GLRA1: variants seen among roughly 807,000 people sequenced by gnomAD.
GLRA1 encodes glycine receptor subunit alpha-1.
Under a neutral mutation model 48.3 loss-of-function variants are expected in GLRA1, and 37 were observed. The ratio of observed to expected loss-of-function variants is 0.77; its 90% CI spans 0.59 to 1.01. The LOEUF is 1.01. Among genes scored for constraint, GLRA1 ranks in the 50% least tolerant of loss-of-function variants. GLRA1 has a pLI of 0.00. For missense variants in GLRA1, 427 were observed against 571.0 expected (o/e 0.75, Z 2.57); for synonymous variants, 196 against 210.7 (o/e 0.93, Z 0.60).
intron 6 of GLRA1, among the ~76,000 whole-genome samples, chr5:151,852,028 T>C (rs1752926496): frequency 6.6e-6 from 1 of 152,188 alleles, no homozygotes; most frequent in Non-Finnish European, 1.5e-5. Flanking sequence ...GTTCCTGTTA[T>C]TTCCTCTTGT....
At position 151,851,453 on chromosome 5, in the gene GLRA1, T is replaced by C; in HGVS notation, c.849A>G (p.Leu283=). 6.2e-7 allele frequency: 1 copy of C among 1,614,058 alleles called. No homozygotes were observed. Among genetic ancestry groups the C allele is most frequent in the Non-Finnish European group, 8.5e-7 (1 of 1,179,980 alleles). ...TCATGGTGAGCACAGTGGTGATGCC[T>C]AGGCCCACACGAGCAGGTGCAGCAT... is the stretch of plus-strand genomic sequence containing the variant. The part of the protein sequence containing the change: ...NMDAAPARVG[L]GITTVLTMTT... The change falls in exon 7 of 9, where the codon CTA becomes CTG. Residue 283 remains leucine, a synonymous_variant. Coordinates refer to ENST00000274576, the MANE Select transcript of GLRA1 (RefSeq NM_000171.4).
At chr5:151,877,780 A>T (rs1581637893) in intron 3 of GLRA1, among the ~76,000 whole-genome samples, 2 of 152,260 alleles carry the variant, frequency 1.3e-5, no homozygotes, top group East Asian at 3.9e-4. Context: ...CATGCCTTTC[A>T]CTTTCTGCCA....
intron 3 of GLRA1, 135 bp downstream of exon 3, chr5:151,886,586 A>G (rs576575755): frequency 7.1e-5 from 51 of 722,214 alleles, no homozygotes; most frequent in Non-Finnish European, 1.1e-4. Flanking sequence ...TCCGAGCCTC[A>G]TGGTATACCA....
intron 1 of GLRA1, among the ~76,000 whole-genome samples, chr5:151,900,653 C>A (rs570533873): frequency 5.3e-4 from 81 of 152,252 alleles, no homozygotes; most frequent in Middle Eastern, 3.4e-3. Context: ...TATTTGCTTA[C>A]ATTATATTGA....
chr5:151,871,455 C>T (rs1272956476), intron 3 of GLRA1, among the ~76,000 whole-genome samples: 1 of 128,854 alleles, frequency 7.8e-6, no homozygotes, highest in Admixed American at 8.1e-5. Context: ...AAAGGAATAC[C>T]TGTATAATTG....
Position 151,859,952 on chromosome 5 carries a change from A to G in GLRA1, c.309T>C (p.Tyr103=). The change falls in exon 4 of 9, where the codon TAT becomes TAC. Residue 103 remains tyrosine (Y), a synonymous_variant. Coordinates refer to ENST00000274576, the MANE Select transcript of GLRA1 (RefSeq NM_000171.4). ...CCAGAGAGTCGTCAGGGTATTCATT[A>G]TAGGCCAGGCGGGGGTCGTTCCATT... is the stretch of plus-strand genomic sequence containing the variant. The part of the protein sequence containing the change: ...RQQWNDPRLA[Y]NEYPDDSLDL... 6.2e-7 allele frequency: 1 copy of G among 1,614,200 alleles called. No individual in the cohort carries two copies.
intron 7 of GLRA1, among the ~76,000 whole-genome samples, chr5:151,838,394 A>T (rs539608093): frequency 6.6e-6 from 1 of 152,154 alleles, no homozygotes; most frequent in African/African-American, 2.4e-5. Context: ...GCTTGAACAC[A>T]GGAGGCAGAG....
Position 151,822,900 on chromosome 5 carries a change from G to A in GLRA1, c.1123C>T (p.Gln375Ter). 6.2e-7 allele frequency: 1 copy of A among 1,614,042 alleles called. No homozygotes were observed. The highest frequency in any genetic ancestry group is 8.5e-7 in the Non-Finnish European group (1 of 1,179,908). ...SAYGMGPACLQAKDGISVKGA... is the reference protein window; with the variant it reads ...SAYGMGPACL ...TTGACTGAGATGCCATCCTTGGCCTGTAGACAGGCTGGGCCCATCCCATAG... is the reference window on the plus strand; with the variant it reads ...TTGACTGAGATGCCATCCTTGGCCTATAGACAGGCTGGGCCCATCCCATAG... Residue 375 changes from glutamine to a stop codon, truncating the protein, a stop_gained, in exon 9 of 9, where the codon CAG (glutamine) becomes TAG (stop). Coordinates refer to ENST00000274576, the MANE Select transcript of GLRA1 (RefSeq NM_000171.4). LOFTEE classifies it high-confidence loss of function.
intron 1 of GLRA1, among the ~76,000 whole-genome samples, chr5:151,909,503 T>C (rs977613855): frequency 2.6e-5 from 4 of 152,260 alleles, no homozygotes; most frequent in African/African-American, 7.2e-5. Context: ...TAAGATGTGA[T>C]GACAGAGTGC....
At chr5:151,829,107 G>T (rs1224741088) in intron 7 of GLRA1, 40 bp from the exon 8 acceptor site, 1 of 1,603,480 alleles carries the variant, frequency 6.2e-7, no homozygotes, top group South Asian at 1.1e-5. Flanking sequence ...GGTGAAAGCA[G>T]GGGAATGTAA....
Position 151,829,074 on chromosome 5 carries a change from T to TG in GLRA1, c.913-8dup, listed in dbSNP as rs1763352907. The TG allele has an allele frequency of 6.2e-7, 1 of 1,612,740 alleles. No homozygotes were observed. The highest frequency in any genetic ancestry group is 8.5e-7 in the Non-Finnish European group (1 of 1,179,560). Reference sequence around the variant, plus strand: ...TGGCTTTCACATAGGACACCTAGAGTGGGGGTGGAGGAGAAACAGGGAGGT... The same window carrying TG: ...TGGCTTTCACATAGGACACCTAGAGTGGGGGGTGGAGGAGAAACAGGGAGGT... On this transcript the variant is annotated splice_region_variant and splice_polypyrimidine_tract_variant and intron_variant, in intron 7 of 8. Transcript: ENST00000274576.
intron 2 of GLRA1, among the ~76,000 whole-genome samples, chr5:151,889,384 C>T (rs1753999621): frequency 6.6e-6 from 1 of 152,184 alleles, no homozygotes; most frequent in East Asian, 1.9e-4. Flanking sequence ...CTGGAATGGC[C>T]TAGTCCTGCT....
intron 3 of GLRA1, among the ~76,000 whole-genome samples, chr5:151,877,732 C>T (rs1753661283): frequency 6.6e-6 from 1 of 152,154 alleles, no homozygotes; most frequent in Non-Finnish European, 1.5e-5. Context: ...GAGGAGTTTC[C>T]CTGCACAAGT....
chr5:151,889,992 G>A (rs1754019789), intron 2 of GLRA1, among the ~76,000 whole-genome samples: 1 of 152,162 alleles, frequency 6.6e-6, no homozygotes, highest in South Asian at 2.1e-4. Flanking sequence ...TTGGGCCCAA[G>A]TGTTCCGAGT....
chr5:151,915,144 AT>A (rs887327833), intron 1 of GLRA1, among the ~76,000 whole-genome samples: 3 of 151,942 alleles, frequency 2.0e-5, no homozygotes, highest in East Asian at 1.9e-4. Context: ...ACATAATAGT[AT>A]TTTTTTTGAG....
rs80165143 is a variant in GLRA1, at chr5:151,898,665, G to A, written c.57-6227C>T. On this transcript the variant is annotated intron_variant, in intron 1 of 8. Coordinates refer to ENST00000274576, the MANE Select transcript of GLRA1 (RefSeq NM_000171.4). ...CAGAAGAGGGACTAAGAGGCTGAGA[G>A]TAACCAAAGGAAGGACCTATACAGC... Among the ~76,000 whole-genome samples the A allele has an allele frequency of 1.8e-3, 279 of 152,276 alleles. 2 individuals carry two copies. In the East Asian group the frequency reaches 0.021, roughly 11 times the overall value.
At chr5:151,824,094 C>T (rs1487584635) in intron 8 of GLRA1, among the ~76,000 whole-genome samples, 1 of 151,296 alleles carries the variant, frequency 6.6e-6, no homozygotes, top group East Asian at 1.9e-4. Context: ...CAGAGAAAAA[C>T]TCAGTATAGG....
intron 1 of GLRA1, among the ~76,000 whole-genome samples, chr5:151,893,493 A>C (rs1754152856): frequency 6.6e-6 from 1 of 151,728 alleles, no homozygotes; most frequent in South Asian, 2.1e-4. Flanking sequence ...ATTTGTCCTA[A>C]TGCTCTCCCT....
intron 8 of GLRA1, among the ~76,000 whole-genome samples, chr5:151,824,080 C>T (rs916880515): frequency 2.0e-5 from 3 of 151,030 alleles, no homozygotes; most frequent in Non-Finnish European, 2.9e-5. Context: ...CAGGACCGGG[C>T]CAACAGAGAA....
Sources: allele counts gnomAD v4.1 joint callset (sites outside exome capture counted in the v4.1 genomes callset), GRCh38; gene constraint gnomAD v4.1.1; transcripts MANE v1.5; gene names NCBI Gene and HGNC (gene_info 2026-07-23, HGNC 2026-07-21).